The following CFAP74 variants were observed in gnomAD, a reference collection of about 807,000 sequenced individuals.
The protein encoded by CFAP74 is cilia- and flagella-associated protein 74.
CFAP74 carries 124 observed loss-of-function variants against 188.9 expected under a neutral mutation model. The observed-to-expected ratio is 0.66, with a 90% CI of 0.57 to 0.76. The LOEUF is 0.76. Among genes scored for constraint, CFAP74 ranks in the 30% least tolerant of loss-of-function variants. CFAP74 has a pLI of 0.00. For missense variants in CFAP74, 2,198 were observed against 2,165.2 expected, an observed-to-expected ratio of 1.02 and a Z score of -0.30; for synonymous variants, 956 against 916.7, an observed-to-expected ratio of 1.04 and a Z score of -0.77.
rs2092924 is a variant in CFAP74 at position 1,925,307 on chromosome 1, C to T, written c.4104+476G>A. On this transcript the variant is annotated intron_variant, in intron 33 of 38. Coordinates refer to ENST00000682832, the MANE Select transcript of CFAP74 (RefSeq NM_001304360.2). ...GCTGGTGCAAAGGCATGAGGGCACA[C>T]GCTGGTGTGAAGGCATGAGGGCACA... Among the ~76,000 whole-genome samples the T allele has an allele frequency of 5.5e-4, 79 of 142,658 alleles. 2 individuals carry two copies. Among genetic ancestry groups the T allele is most frequent in the African/African-American group, 1.9e-3 (75 of 39,616 alleles). 93.6% of individuals were successfully genotyped at this position (142,658 alleles called of 152,430 possible). A position where few individuals can be genotyped will look rare whatever the true frequency, so the allele number is the denominator to read the frequency against.
chr1:1,939,282 G>C (rs1321365095), intron 24 of CFAP74, among the ~76,000 whole-genome samples: 1 of 152,254 alleles, frequency 6.6e-6, no homozygotes, highest in Non-Finnish European at 1.5e-5. Flanking sequence ...CCCAGGGAAA[G>C]GTGAGGGGTG....
At chr1:1,928,757 C>T (rs901624117) in intron 27 of CFAP74, 27 bp downstream of exon 27, 28 of 1,510,464 alleles carry the variant, frequency 1.9e-5, no homozygotes, top group African/African-American at 5.5e-5. Context: ...CCCCGACCTA[C>T]GCCCCTCCTT....
At chr1:1,962,811 C>G (rs1400926017) in intron 14 of CFAP74, among the ~76,000 whole-genome samples, 1 of 152,110 alleles carries the variant, frequency 6.6e-6, no homozygotes. Context: ...ATTGCTGGAG[C>G]CTGGGAAATT....
intron 14 of CFAP74, among the ~76,000 whole-genome samples, chr1:1,961,799 G>A (rs1053552775): frequency 3.3e-5 from 5 of 152,104 alleles, no homozygotes; most frequent in Non-Finnish European, 7.4e-5. Context: ...AGAGAGGAAG[G>A]AGACGGGAAC....
At chr1:1,996,703 T>C (rs1657930947) in intron 1 of CFAP74, among the ~76,000 whole-genome samples, 1 of 151,764 alleles carries the variant, frequency 6.6e-6, no homozygotes, top group African/African-American at 2.4e-5. Context: ...GGTGGATCAC[T>C]TGAGGTCCGG....
intron 16 of CFAP74, among the ~76,000 whole-genome samples, chr1:1,958,405 C>T (rs1427635364): frequency 6.6e-6 from 1 of 152,232 alleles, no homozygotes; most frequent in African/African-American, 2.4e-5. Flanking sequence ...GATGCTCGTG[C>T]TGCCGTAGCT....
At chr1:1,970,583 C>A in intron 10 of CFAP74, 76 bp downstream of exon 10, 2 of 1,478,892 alleles carry the variant, frequency 1.4e-6, no homozygotes, top group Non-Finnish European at 9.1e-7. Flanking sequence ...CAATGTGAAG[C>A]CGAACCCCCT....
chr1:1,939,824 C>A, intron 23 of CFAP74, 57 bp from the exon 24 acceptor site: 1 of 1,486,058 alleles, frequency 6.7e-7, no homozygotes, highest in Non-Finnish European at 9.0e-7. Context: ...ACCAAGTGCT[C>A]CCCAAACTCT....
rs1201704793 is a variant in CFAP74, at chr1:1,973,695, C to T, written c.674+330G>A. On this transcript the variant is annotated intron_variant, in intron 7 of 38. Transcript: ENST00000682832. The surrounding 1 kb of genome is among the most constrained non-coding windows in gnomAD (Gnocchi z 6.2). ...GGTGGGGATGGAGCCCAGAGAATGG[C>T]CTGGCTGGGAAGAGGAAGGGGCTGC... Among the ~76,000 whole-genome samples, 1 of 151,760 alleles carries T rather than the reference C, an allele frequency of 6.6e-6. No homozygotes were observed. Among genetic ancestry groups the T allele is most frequent in the African/African-American group, 2.4e-5 (1 of 41,294 alleles).
rs915990793 is a variant in CFAP74 at position 1,944,210 on chromosome 1, C to T, written c.2486+121G>A. The T allele has an allele frequency of 2.2e-5, 32 of 1,451,376 alleles. No individual in the cohort carries two copies. The African/African-American group carries it at 3.0e-4, about 13-fold the overall frequency. The allele number at this position is 1,451,376 out of a possible 1,614,324, so 89.9% of individuals were successfully genotyped here. A position where few individuals can be genotyped will look rare whatever the true frequency, so the allele number is the denominator to read the frequency against. On this transcript the variant is annotated intron_variant, in intron 21 of 38. Coordinates refer to ENST00000682832, the MANE Select transcript of CFAP74 (RefSeq NM_001304360.2). ...TGCACAGGCAGGCAGCGGCTCACCC[C>T]GTGTGCGTGGGTCACCCCGTGTGCG...
chr1:1,925,570 G>A (rs1470498733), intron 33 of CFAP74, among the ~76,000 whole-genome samples: 1 of 152,138 alleles, frequency 6.6e-6, no homozygotes, highest in East Asian at 1.9e-4. Context: ...AGGACTAGGG[G>A]ACATCTGCAG....
rs1221849099 is a variant in CFAP74, at chr1:1,938,888, C to T, written c.2978G>A (p.Arg993Lys). Residue 993 changes from arginine to lysine, a missense_variant, in exon 25 of 39, where the codon AGA becomes AAA. Physicochemically the swap from Arg to Lys is conservative, Grantham distance 26. Coordinates refer to ENST00000682832, the MANE Select transcript of CFAP74 (RefSeq NM_001304360.2). ...IFQPTKAEEH[R>K]FQLTCKSEIN... Reference sequence around the variant, plus strand: ...CTCAGACTTGCAGGTCAGTTGGAATCTGTGTTCCTCGGCCTTGGTGGGCTG... The same window carrying T: ...CTCAGACTTGCAGGTCAGTTGGAATTTGTGTTCCTCGGCCTTGGTGGGCTG... 1 of 1,536,066 alleles carries T rather than the reference C, an allele frequency of 6.5e-7. No homozygotes were observed. Among genetic ancestry groups the T allele is most frequent in the African/African-American group, 1.4e-5 (1 of 73,060 alleles).
intron 10 of CFAP74, among the ~76,000 whole-genome samples, chr1:1,969,162 C>T (rs1388665982): frequency 6.6e-6 from 1 of 151,036 alleles, no homozygotes; most frequent in Admixed American, 6.6e-5. Context: ...CAAGCCCAGT[C>T]CTGCTCAGTC....
At position 1,956,768 on chromosome 1, in the gene CFAP74, T is replaced by A. The variant is rs1654667967; in HGVS notation, c.1868A>T (p.Glu623Val). 1 of 1,612,988 alleles carries A rather than the reference T, an allele frequency of 6.2e-7. No homozygotes were observed. Among genetic ancestry groups the A allele is most frequent in the Admixed American group, 1.7e-5 (1 of 59,906 alleles). The stretch of plus-strand genomic sequence containing the variant: ...CACGTAGCTGCCGAAGTCAATGAGC[T>A]CCTTGTCGAGGGACAGCTGCCAGAG... ...TKKCSLSLDK[E>V]LIDFGSYVVG... The change falls in exon 17 of 39, where the codon GAG becomes GTG. Residue 623 changes from glutamate (E) to valine (V), a missense_variant. Transcript: ENST00000682832.
At chr1:1,982,431 G>A (rs184370481) in intron 6 of CFAP74, among the ~76,000 whole-genome samples, 4 of 151,718 alleles carry the variant, frequency 2.6e-5, no homozygotes, top group African/African-American at 7.3e-5. Context: ...GGACAGACAC[G>A]GGGACACGCA....
rs180736516 is a variant in CFAP74 at position 1,966,929 on chromosome 1, C to T, written c.1246-403G>A. Among the ~76,000 whole-genome samples the T allele has an allele frequency of 5.9e-5, 9 of 151,896 alleles. No homozygotes were observed. In the East Asian group the frequency reaches 9.7e-4, roughly 16 times the overall value. ...TCAGCTCACTGCAACTTCTATCTCC[C>T]GGGTTCACATGATTCTCCTGCCTCA... On this transcript the variant is annotated intron_variant, in intron 11 of 38. Transcript: ENST00000682832.
chr1:2,001,449 C>G (rs1052834843), intron 1 of CFAP74, among the ~76,000 whole-genome samples: 1 of 152,072 alleles, frequency 6.6e-6, no homozygotes, highest in Admixed American at 6.5e-5. Flanking sequence ...CCTGCCTCAG[C>G]CTCCCGAGTA....
intron 16 of CFAP74, among the ~76,000 whole-genome samples, chr1:1,958,448 C>T (rs1558026721): frequency 1.3e-5 from 2 of 152,232 alleles, no homozygotes; most frequent in African/African-American, 4.8e-5. Flanking sequence ...ACGGGGCTGG[C>T]CGCAGAGGGC....
At chr1:1,960,080 A>G (rs368187319) in intron 14 of CFAP74, 50 bp from the exon 15 acceptor site, 2 of 1,507,992 alleles carry the variant, frequency 1.3e-6, no homozygotes, top group East Asian at 2.4e-5. Context: ...CGGAGGGCAG[A>G]CGCTCGCCTC....
Sources: allele counts gnomAD v4.1 joint callset (sites outside exome capture counted in the v4.1 genomes callset), GRCh38; gene constraint gnomAD v4.1.1; non-coding constraint Gnocchi (gnomAD v3.1); transcripts MANE v1.5; gene names NCBI Gene and HGNC (gene_info 2026-07-23, HGNC 2026-07-21).